The following ATP13A4 variants were observed in gnomAD, a reference collection of about 807,000 sequenced individuals.
The protein encoded by ATP13A4 is ATPase 13A4, also known as probable cation-transporting ATPase 13A4.
A neutral mutation model predicts 142.5 loss-of-function variants in ATP13A4; 114 were observed. The observed-to-expected ratio is 0.80, with a 90% CI of 0.69 to 0.93. The LOEUF (loss-of-function observed/expected upper bound fraction) is 0.93, where lower values mean the gene tolerates loss of function less well. Ranked by LOEUF, ATP13A4 falls within the 40% of genes least tolerant of loss-of-function variation. The probability of loss-of-function intolerance (pLI) is 0.00; values close to 1 mark genes in which losing one functional copy is unlikely to be tolerated. For synonymous variants in ATP13A4, 488 were observed against 514.8 expected (o/e 0.95, Z 0.70); for missense variants, 1,392 against 1,454.0 (o/e 0.96, Z 0.69).
At chr3:193,429,034 C>T (rs2220522) in intron 25 of ATP13A4, among the ~76,000 whole-genome samples, 71,531 of 151,590 alleles carry the variant, frequency 0.47, 17,946 homozygotes, top group Non-Finnish European at 0.57. Context: ...ATGTAAATGG[C>T]TGATGAGCAC....
At chr3:193,424,284 C>T (rs538022637) in intron 25 of ATP13A4, among the ~76,000 whole-genome samples, 3 of 146,352 alleles carry the variant, frequency 2.0e-5, no homozygotes, top group African/African-American at 7.5e-5. Context: ...TCAATCCAAT[C>T]TCTATCAAAA....
intron 1 of ATP13A4, among the ~76,000 whole-genome samples, chr3:193,588,289 G>A (rs1243815664): frequency 6.6e-6 from 1 of 152,096 alleles, no homozygotes; most frequent in Non-Finnish European, 1.5e-5. Context: ...CCATCTCCCT[G>A]TGGAACTCCA....
rs1469217182 is a variant in ATP13A4, at chr3:193,417,950, G to A, written c.2843-3200C>T. Among the ~76,000 whole-genome samples the A allele has an allele frequency of 1.0e-4, 15 of 145,662 alleles. 1 individual carries two copies. The East Asian group carries it at 1.3e-3, about 13-fold the overall frequency. ...ATCCCGGCTAAAACGGTGAAACCCC[G>A]TCTCTACTAAAAATACAAAAAATTA... On this transcript the variant is annotated intron_variant, in intron 25 of 29. Transcript: ENST00000342695.
intron 1 of ATP13A4, among the ~76,000 whole-genome samples, chr3:193,547,772 G>A (rs531145047): frequency 3.3e-5 from 5 of 151,904 alleles, no homozygotes; most frequent in South Asian, 2.1e-4. Context: ...AGGGCCCTAC[G>A]CTCAGAAGGT....
chr3:193,573,010 C>T (rs1724302351), intron 2 of ATP13A4, among the ~76,000 whole-genome samples: 1 of 112,310 alleles, frequency 8.9e-6, no homozygotes, highest in Admixed American at 1.1e-4. Flanking sequence ...GGTGTGCACA[C>T]CTGTGGTCCC....
At chr3:193,474,674 A>T (rs1404461568) in intron 8 of ATP13A4, among the ~76,000 whole-genome samples, 1 of 149,148 alleles carries the variant, frequency 6.7e-6, no homozygotes, top group Admixed American at 6.6e-5. Context: ...AAAGAAAAAG[A>T]AAGAAAAAAG....
Position 193,436,705 on chromosome 3 carries a change from G to A in ATP13A4, c.2673-961C>T, listed in dbSNP as rs146748546. Among the ~76,000 whole-genome samples, 1,016 of 151,516 alleles carry A rather than the reference G, an allele frequency of 6.7e-3. 18 individuals carry two copies. The highest frequency in any genetic ancestry group is 0.023 in the African/African-American group (943 of 41,322). ...GACCTCAAGTGATCCACCCACCTCGGCCTCCCAAAGTGTTGGGATTACAGC... is the reference window on the plus strand; with the variant it reads ...GACCTCAAGTGATCCACCCACCTCGACCTCCCAAAGTGTTGGGATTACAGC... On this transcript the variant is annotated intron_variant, in intron 23 of 29. Coordinates refer to ENST00000342695, the MANE Select transcript of ATP13A4 (RefSeq NM_032279.4).
At chr3:193,523,285 C>G (rs1016923510) in intron 1 of ATP13A4, among the ~76,000 whole-genome samples, 1 of 148,622 alleles carries the variant, frequency 6.7e-6, no homozygotes. Flanking sequence ...GGCTGGGCAA[C>G]AAGAGTGAAA....
intron 29 of ATP13A4, among the ~76,000 whole-genome samples, chr3:193,405,979 C>G (rs1231121607): frequency 2.6e-5 from 4 of 152,082 alleles, no homozygotes; most frequent in Non-Finnish European, 4.4e-5. Flanking sequence ...TGATAATGCT[C>G]TTTTATTAAT....
chr3:193,496,275 G>A (rs1402137152), intron 3 of ATP13A4, among the ~76,000 whole-genome samples: 2 of 152,044 alleles, frequency 1.3e-5, no homozygotes, highest in Non-Finnish European at 2.9e-5. Context: ...AGCAAATAGA[G>A]CAAAAAGAGC....
At chr3:193,459,755 T>C (rs1175567235) in intron 13 of ATP13A4, among the ~76,000 whole-genome samples, 1 of 152,140 alleles carries the variant, frequency 6.6e-6, no homozygotes, top group Non-Finnish European at 1.5e-5. Flanking sequence ...ATTTTTCAAA[T>C]GAACACTGCA....
At chr3:193,508,137 C>T (rs1231203354) in intron 2 of ATP13A4, among the ~76,000 whole-genome samples, 3 of 152,128 alleles carry the variant, frequency 2.0e-5, no homozygotes, top group Non-Finnish European at 4.4e-5. Flanking sequence ...TTCTTCAAGC[C>T]AGGAAGAGAG....
intron 25 of ATP13A4, among the ~76,000 whole-genome samples, chr3:193,425,066 A>T (rs1357245242): frequency 1.5e-5 from 2 of 137,622 alleles, no homozygotes; most frequent in Admixed American, 1.7e-4. Flanking sequence ...CTCCAAAAAA[A>T]CCATAGAAAT....
chr3:193,416,146 T>C (rs910948604), intron 25 of ATP13A4, among the ~76,000 whole-genome samples: 1 of 152,186 alleles, frequency 6.6e-6, no homozygotes, highest in Non-Finnish European at 1.5e-5. Flanking sequence ...CAGGGACATA[T>C]GCGATCTCAC....
chr3:193,502,411 A>G (rs562337686), intron 3 of ATP13A4, 82 bp downstream of exon 3: 1 of 1,477,762 alleles, frequency 6.8e-7, no homozygotes, highest in South Asian at 1.1e-5. Flanking sequence ...TTGGCACAGT[A>G]GAGGAGCTAC....
At chr3:193,582,455 A>G (rs544581315) in intron 1 of ATP13A4, among the ~76,000 whole-genome samples, 1 of 146,890 alleles carries the variant, frequency 6.8e-6, no homozygotes, top group South Asian at 2.1e-4. Context: ...CCATATGTAT[A>G]CTTTAATATA....
chr3:193,515,725 G>A (rs1182276412), intron 1 of ATP13A4, among the ~76,000 whole-genome samples: 1 of 152,140 alleles, frequency 6.6e-6, no homozygotes, highest in African/African-American at 2.4e-5. Context: ...GAAATCCTGA[G>A]ATAGAATAGA....
At chr3:193,547,396 C>T (rs905694659) in intron 1 of ATP13A4, among the ~76,000 whole-genome samples, 2 of 152,194 alleles carry the variant, frequency 1.3e-5, no homozygotes, top group Non-Finnish European at 2.9e-5. Context: ...TCCAGCTCCA[C>T]CATCAAAGAT....
At chr3:193,522,052 A>T (rs1721749071) in intron 1 of ATP13A4, among the ~76,000 whole-genome samples, 1 of 152,232 alleles carries the variant, frequency 6.6e-6, no homozygotes, top group African/African-American at 2.4e-5. Flanking sequence ...TCCCAGAGAA[A>T]GTTAGTGACA....
Sources: allele counts gnomAD v4.1 joint callset (sites outside exome capture counted in the v4.1 genomes callset), GRCh38; gene constraint gnomAD v4.1.1; transcripts MANE v1.5; gene names NCBI Gene and HGNC (gene_info 2026-07-23, HGNC 2026-07-21).